The following GRIP1 variants were observed in gnomAD, a reference collection of about 807,000 sequenced individuals.
GRIP1 encodes the protein glutamate receptor-interacting protein 1.
GRIP1 carries 45 observed loss-of-function variants against 129.9 expected under a neutral mutation model. The ratio of observed to expected loss-of-function variants is 0.35; its 90% confidence interval spans 0.27 to 0.44. The LOEUF (loss-of-function observed/expected upper bound fraction) is 0.44. Ranked by LOEUF, GRIP1 falls within the 20% of genes least tolerant of loss-of-function variation. The pLI is 1.00. For missense variants in GRIP1, 1,196 were observed against 1,396.8 expected (o/e 0.86, Z 2.29); for synonymous variants, 530 against 520.8 (o/e 1.02, Z -0.24).
At chr12:66,799,630 T>A (rs1036627449) in intron 1 of GRIP1, among the ~76,000 whole-genome samples, 2 of 152,166 alleles carry the variant, frequency 1.3e-5, no homozygotes, top group Admixed American at 6.6e-5. Context: ...TCCCTTTGAT[T>A]ATGTGTTCAG....
chr12:66,726,442 G>T (rs939702035), intron 1 of GRIP1, among the ~76,000 whole-genome samples: 1 of 152,162 alleles, frequency 6.6e-6, no homozygotes, highest in African/African-American at 2.4e-5. Flanking sequence ...TGCCCTAGAC[G>T]CCTGAAAGAA....
At chr12:66,970,711 C>T (rs1192352395) in intron 1 of GRIP1, among the ~76,000 whole-genome samples, 3 of 152,016 alleles carry the variant, frequency 2.0e-5, no homozygotes, top group Non-Finnish European at 4.4e-5. Flanking sequence ...GGAAACATTC[C>T]ATTTTCTTAG....
chr12:66,719,308 G>C (rs192694287), intron 1 of GRIP1, among the ~76,000 whole-genome samples: 1 of 152,214 alleles, frequency 6.6e-6, no homozygotes, highest in Non-Finnish European at 1.5e-5. Flanking sequence ...AATGTGAAAA[G>C]AACTTTTTAG....
At chr12:66,581,482 G>A (rs1027930582) in intron 2 of GRIP1, among the ~76,000 whole-genome samples, 9 of 145,742 alleles carry the variant, frequency 6.2e-5, no homozygotes, top group Non-Finnish European at 9.1e-5. Flanking sequence ...TTTTTGAAAG[G>A]ATCAACAAAA....
intron 1 of GRIP1, among the ~76,000 whole-genome samples, chr12:66,602,832 G>T (rs1053264500): frequency 1.3e-5 from 2 of 148,582 alleles, no homozygotes; most frequent in Non-Finnish European, 3.0e-5. Context: ...TATTCCTAAA[G>T]GGACCAGATC....
chr12:66,740,712 T>C (rs1413918733), intron 1 of GRIP1, among the ~76,000 whole-genome samples: 1 of 152,194 alleles, frequency 6.6e-6, no homozygotes, highest in Non-Finnish European at 1.5e-5. Context: ...CTGTGCTAGA[T>C]GCCTTGGATA....
chr12:67,018,208 T>C (rs1197759834), intron 1 of GRIP1, among the ~76,000 whole-genome samples: 1 of 152,024 alleles, frequency 6.6e-6, no homozygotes, highest in Non-Finnish European at 1.5e-5. Context: ...CAAGACTGTT[T>C]CCTCCCCTCC....
chr12:66,854,786 T>A (rs1261035194), intron 1 of GRIP1, among the ~76,000 whole-genome samples: 4 of 152,062 alleles, frequency 2.6e-5, no homozygotes, highest in Non-Finnish European at 5.9e-5. Flanking sequence ...ATGGATGCTC[T>A]TATAAATTAA....
At chr12:66,503,424 C>T (rs1218433643) in intron 7 of GRIP1, among the ~76,000 whole-genome samples, 1 of 152,094 alleles carries the variant, frequency 6.6e-6, no homozygotes, top group Non-Finnish European at 1.5e-5. Flanking sequence ...GTGCAAGATG[C>T]TGAAGGTGGG....
At chr12:67,054,804 T>C (rs1377369374) in intron 1 of GRIP1, among the ~76,000 whole-genome samples, 1 of 147,188 alleles carries the variant, frequency 6.8e-6, no homozygotes, top group African/African-American at 2.5e-5. Flanking sequence ...CTCCAATATG[T>C]AGAAATCAGG....
chr12:66,888,989 A>G (rs1021955832), intron 1 of GRIP1, among the ~76,000 whole-genome samples: 4 of 152,240 alleles, frequency 2.6e-5, no homozygotes, highest in African/African-American at 9.6e-5. Context: ...AAGCAATGCT[A>G]GAAGACAGAG....
chr12:66,582,988 G>A (rs1304209803), intron 2 of GRIP1, among the ~76,000 whole-genome samples: 19 of 151,242 alleles, frequency 1.3e-4, no homozygotes, highest in South Asian at 6.3e-4. Context: ...GAGGCATCAC[G>A]CTACCTGACT....
At chr12:66,609,382 C>A (rs1368734418) in intron 1 of GRIP1, among the ~76,000 whole-genome samples, 2 of 152,078 alleles carry the variant, frequency 1.3e-5, no homozygotes, top group African/African-American at 4.8e-5. Flanking sequence ...ACTTGACATA[C>A]TTTTGGTTTT....
At chr12:66,740,341 G>C (rs759870005) in intron 1 of GRIP1, among the ~76,000 whole-genome samples, 1 of 152,128 alleles carries the variant, frequency 6.6e-6, no homozygotes, top group Non-Finnish European at 1.5e-5. Flanking sequence ...CCTCACCCCT[G>C]TCCGTGCCTA....
At chr12:66,999,009 C>T (rs533368921) in intron 1 of GRIP1, among the ~76,000 whole-genome samples, 11 of 152,202 alleles carry the variant, frequency 7.2e-5, no homozygotes, top group African/African-American at 2.4e-4. Flanking sequence ...CCTCAAAGTA[C>T]GCTTTGCTGA....
chr12:66,522,452 C>G (rs1297058122), intron 5 of GRIP1, among the ~76,000 whole-genome samples: 2 of 152,318 alleles, frequency 1.3e-5, no homozygotes, highest in East Asian at 3.9e-4. Flanking sequence ...TAGCAAACTC[C>G]AACAGACCTG....
At chr12:66,770,832 A>G (rs1377418559) in intron 1 of GRIP1, among the ~76,000 whole-genome samples, 1 of 152,190 alleles carries the variant, frequency 6.6e-6, no homozygotes, top group Non-Finnish European at 1.5e-5. Context: ...GCAGTGGCTC[A>G]TGCCTATAAT....
chr12:66,739,806 T>G (rs2036731686), intron 1 of GRIP1, among the ~76,000 whole-genome samples: 2 of 151,568 alleles, frequency 1.3e-5, no homozygotes, highest in Admixed American at 1.3e-4. Flanking sequence ...AAACCCAGCC[T>G]CCTTTCATGT....
In GRIP1 at chr12:66,763,995, A is replaced by G. The variant is rs372518589; in HGVS notation, c.-420+40058T>C. ...AGCCTGCCATGGACAGCTATGAGAC[A>G]TTGTGTCCATACTCTAAGTGCCAAG... On this transcript the variant is annotated intron_variant, in intron 1 of 4. Transcript: ENST00000538373. Among the ~76,000 whole-genome samples, 8 of 152,336 alleles carry G rather than the reference A, an allele frequency of 5.3e-5. No individual in the cohort carries two copies. The South Asian group carries it at 1.2e-3, about 24-fold the overall frequency.
Sources: gnomAD v4.1 joint callset for allele counts (sites outside exome capture counted in the v4.1 genomes callset) on GRCh38, gnomAD v4.1.1 for gene constraint, MANE v1.5 for transcripts, NCBI Gene and HGNC (gene_info 2026-07-23, HGNC 2026-07-21) for gene names.